The following SLC1A2 variants were observed in gnomAD, a reference collection of about 807,000 sequenced individuals.
The protein encoded by SLC1A2 is excitatory amino acid transporter 2.
A neutral mutation model predicts 48.8 loss-of-function variants in SLC1A2; 15 were observed. That is an observed-to-expected ratio of 0.31 (90% CI 0.21 to 0.47). SLC1A2 has a LOEUF of 0.47. Among genes scored for constraint, SLC1A2 ranks in the 20% least tolerant of loss-of-function variants. The pLI is 0.99. For synonymous variants in SLC1A2, 279 were observed against 272.6 expected, an observed-to-expected ratio of 1.02 and a Z score of -0.23; for missense variants, 502 against 730.5, an observed-to-expected ratio of 0.69 and a Z score of 3.61.
Position 35,317,417 on chromosome 11 carries a change from G to A in SLC1A2, c.117C>T (p.Asp39=), listed in dbSNP as rs1456202496. The change falls in exon 2 of 11, where the codon GAC becomes GAT. Residue 39 remains aspartate (D), a synonymous_variant. Coordinates refer to ENST00000278379, the MANE Select transcript of SLC1A2 (RefSeq NM_004171.4). ...KHRHLGLRLC[D]KLGKNLLLTL... ...TGAGCAGCAGATTCTTCCCCAGCTT[G>A]TCACACAGGCGCAGGCCCAGGTGCC... 6.2e-7 allele frequency: 1 copy of A among 1,614,178 alleles called. No homozygotes were observed. The highest frequency in any genetic ancestry group is 1.1e-5 in the South Asian group (1 of 91,088).
rs534599093 is a variant in SLC1A2, at chr11:35,259,798, G to A, written c.*1096C>T. The A allele has an allele frequency of 6.6e-5, 10 of 152,278 alleles. No individual in the cohort carries two copies. In the South Asian group the frequency reaches 1.7e-3, roughly 25 times the overall value. 9.4% of individuals were successfully genotyped at this position (152,278 alleles called of 1,614,324 possible). ...GTGCTTTGATAGAAGATAACAAAAC[G>A]CTTTCAACATATTGGATAAATACCA... On this transcript the variant is annotated 3_prime_UTR_variant, in exon 11 of 11. Transcript: ENST00000278379.
chr11:35,283,147 G>A (rs1208076007), intron 8 of SLC1A2, among the ~76,000 whole-genome samples: 1 of 152,090 alleles, frequency 6.6e-6, no homozygotes, highest in African/African-American at 2.4e-5. Context: ...GCTTGAACAT[G>A]GTCTGCTGGG....
chr11:35,411,294 A>C (rs1306215945), intron 1 of SLC1A2, among the ~76,000 whole-genome samples: 6 of 152,232 alleles, frequency 3.9e-5, no homozygotes, highest in African/African-American at 1.4e-4. Context: ...TTCCCCAGGT[A>C]CCATCAGCCA....
intron 1 of SLC1A2, among the ~76,000 whole-genome samples, chr11:35,338,588 A>C (rs16927367): frequency 0.021 from 3,132 of 152,248 alleles, 101 homozygotes; most frequent in African/African-American, 0.072. Flanking sequence ...CTTAGCTGCT[A>C]GGATGTGTCC....
At chr11:35,264,354 A>T in intron 10 of SLC1A2, among the ~76,000 whole-genome samples, 1 of 152,242 alleles carries the variant, frequency 6.6e-6, no homozygotes. Context: ...ATTAGTGATT[A>T]AATGTGACCT....
intron 1 of SLC1A2, among the ~76,000 whole-genome samples, chr11:35,354,064 G>A (rs564176805): frequency 2.0e-5 from 3 of 152,246 alleles, no homozygotes; most frequent in African/African-American, 7.2e-5. Flanking sequence ...GGGTCTGATC[G>A]TTATACAGAT....
chr11:35,367,149 T>G (rs1234547551), intron 1 of SLC1A2, among the ~76,000 whole-genome samples: 1 of 152,200 alleles, frequency 6.6e-6, no homozygotes, highest in African/African-American at 2.4e-5. Context: ...TTCCTTCTCT[T>G]TGTGGAGTTT....
At chr11:35,313,736 C>T (rs1309996478) in intron 3 of SLC1A2, among the ~76,000 whole-genome samples, 1 of 152,168 alleles carries the variant, frequency 6.6e-6, no homozygotes, top group African/African-American at 2.4e-5. Context: ...TAGAGGAGCA[C>T]TGATGGTAAA....
intron 1 of SLC1A2, among the ~76,000 whole-genome samples, chr11:35,387,528 A>G (rs996589455): frequency 1.3e-5 from 2 of 152,248 alleles, no homozygotes; most frequent in African/African-American, 4.8e-5. Flanking sequence ...AAGCTCATTA[A>G]TAATTCACTT....
chr11:35,370,937 T>G, intron 1 of SLC1A2: 1 of 984,700 alleles, frequency 1.0e-6, no homozygotes, highest in Non-Finnish European at 1.2e-6. Context: ...ATATGAAAAC[T>G]TGCCTTGCTT....
chr11:35,372,279 TC>T (rs140772693), intron 1 of SLC1A2, among the ~76,000 whole-genome samples: 2 of 152,350 alleles, frequency 1.3e-5, no homozygotes, highest in Non-Finnish European at 2.9e-5. Context: ...TACAGAGCCT[TC>T]ATCAACAAAT....
chr11:35,306,826 G>A (rs980271969), intron 4 of SLC1A2, among the ~76,000 whole-genome samples: 1 of 152,090 alleles, frequency 6.6e-6, no homozygotes, highest in African/African-American at 2.4e-5. Flanking sequence ...CTAAGATAAC[G>A]ACCGCCAGTC....
At chr11:35,316,760 T>G (rs954574110) in intron 2 of SLC1A2, 2 of 152,272 alleles carry the variant, frequency 1.3e-5, no homozygotes, top group African/African-American at 4.8e-5. Context: ...CACGGGAATC[T>G]TAAGACCAAG....
At chr11:35,326,775 A>C (rs1852265555) in intron 1 of SLC1A2, among the ~76,000 whole-genome samples, 1 of 152,190 alleles carries the variant, frequency 6.6e-6, no homozygotes, top group African/African-American at 2.4e-5. Flanking sequence ...GGAGACCTTC[A>C]AAGTCACCCA....
intron 1 of SLC1A2, among the ~76,000 whole-genome samples, chr11:35,369,607 C>T (rs1235565047): frequency 6.6e-6 from 1 of 152,214 alleles, no homozygotes; most frequent in Admixed American, 6.5e-5. Flanking sequence ...ATCGTCACAC[C>T]TACCAGAGAA....
intron 1 of SLC1A2, among the ~76,000 whole-genome samples, chr11:35,379,569 A>T (rs1854355860): frequency 6.6e-6 from 1 of 152,110 alleles, no homozygotes; most frequent in African/African-American, 2.4e-5. Flanking sequence ...CATGCCAAGG[A>T]CTCTCCATGA....
chr11:35,294,506 T>C (rs56375276), intron 6 of SLC1A2, among the ~76,000 whole-genome samples: 1,998 of 152,284 alleles, frequency 0.013, 24 homozygotes, highest in Non-Finnish European at 0.018. Flanking sequence ...ACTTCATTCA[T>C]TGAGACTGTA....
Position 35,320,791 on chromosome 11 carries a change from C to T in SLC1A2, c.18-3275G>A, listed in dbSNP as rs115766508. On this transcript the variant is annotated intron_variant, in intron 1 of 10. Transcript: ENST00000278379. ...TTCTAGTGGGCCCATATTACAGGCA[C>T]CATACTGTTGTTGATGTTAAAGATG... 4.9e-3 allele frequency among the ~76,000 whole-genome samples: 746 copies of T among 152,278 alleles called. 5 individuals carry two copies. The highest frequency in any genetic ancestry group is 0.017 in the African/African-American group (723 of 41,548).
chr11:35,329,088 T>C (rs948024194), intron 1 of SLC1A2, among the ~76,000 whole-genome samples: 1 of 151,910 alleles, frequency 6.6e-6, no homozygotes, highest in Non-Finnish European at 1.5e-5. Flanking sequence ...GAACTATCTA[T>C]CCAAAAAAAG....
Sources: allele counts gnomAD v4.1 joint callset (sites outside exome capture counted in the v4.1 genomes callset), GRCh38; gene constraint gnomAD v4.1.1; transcripts MANE v1.5; gene names NCBI Gene and HGNC (gene_info 2026-07-23, HGNC 2026-07-21).